RASAL2: variants seen among roughly 807,000 people sequenced by gnomAD.
RASAL2 encodes ras GTPase-activating protein nGAP.
Under a neutral mutation model 128.9 loss-of-function variants are expected in RASAL2, and 58 were observed. The observed-to-expected ratio is 0.45, with a 90% confidence interval of 0.36 to 0.56. The LOEUF is 0.56. Among genes scored for constraint, RASAL2 ranks in the 20% least tolerant of loss-of-function variants. RASAL2 has a pLI of 0.00. For missense variants in RASAL2, 1,360 were observed against 1,601.6 expected (o/e 0.85, Z 2.57); for synonymous variants, 561 against 580.8 (o/e 0.97, Z 0.49).
intron 3 of RASAL2, among the ~76,000 whole-genome samples, chr1:178,374,835 T>C (rs1395306946): frequency 2.0e-5 from 3 of 152,156 alleles, no homozygotes; most frequent in Admixed American, 2.0e-4. Context: ...ATTCAGCTTT[T>C]TAAAACTCTG....
intron 1 of RASAL2, among the ~76,000 whole-genome samples, chr1:178,148,309 T>C (rs1436452517): frequency 1.3e-5 from 2 of 152,144 alleles, no homozygotes; most frequent in Non-Finnish European, 2.9e-5. Context: ...GCAAGTTTTA[T>C]GTATACACTA....
intron 1 of RASAL2, among the ~76,000 whole-genome samples, chr1:178,180,429 CT>C (rs1662052537): frequency 6.9e-6 from 1 of 145,078 alleles, no homozygotes; most frequent in African/African-American, 2.6e-5. Context: ...GGATGGATCG[CT>C]TGAGTCCAGG....
chr1:178,260,366 ATATATATATATAT>A lies in RASAL2; in HGVS notation c.203-23197_203-23185del. ...GACTCGTCTCAAAAAAAAAAAAAATATATATATATATATATATATATATATATATATATATATA... is the reference window on the plus strand; with the variant it reads ...GACTCGTCTCAAAAAAAAAAAAAATAATATATATATATATATATATATATA... On this transcript the variant is annotated intron_variant, in intron 1 of 17. Coordinates refer to ENST00000367649, the MANE Select transcript of RASAL2 (RefSeq NM_170692.4). 1.7e-3 allele frequency among the ~76,000 whole-genome samples: 32 copies of A among 19,302 alleles called. 5 individuals are homozygous for A. Among genetic ancestry groups the A allele is most frequent in the South Asian group, 3.0e-3 (1 of 336 alleles). The allele number at this position is 19,302 out of a possible 152,430, so 12.7% of individuals were successfully genotyped here. A position where few individuals can be genotyped will look rare whatever the true frequency, so the allele number is the denominator to read the frequency against.
At chr1:178,131,620 C>CAA (rs1458091002) in intron 1 of RASAL2, among the ~76,000 whole-genome samples, 1 of 152,048 alleles carries the variant, frequency 6.6e-6, no homozygotes, top group East Asian at 1.9e-4. Context: ...GTGGTTTTTC[C>CAA]AAAAACCTGA....
At chr1:178,241,783 A>G (rs529071199) in intron 1 of RASAL2, among the ~76,000 whole-genome samples, 1 of 152,350 alleles carries the variant, frequency 6.6e-6, no homozygotes, top group South Asian at 2.1e-4. Context: ...AGGAAATAAT[A>G]GTACAGATTA....
At chr1:178,220,888 T>G (rs1663590379) in intron 1 of RASAL2, among the ~76,000 whole-genome samples, 1 of 152,212 alleles carries the variant, frequency 6.6e-6, no homozygotes, top group Non-Finnish European at 1.5e-5. Flanking sequence ...AACATTCATG[T>G]GGAGGTTTTT....
intron 1 of RASAL2, among the ~76,000 whole-genome samples, chr1:178,193,038 G>A (rs1455548406): frequency 6.6e-6 from 1 of 152,082 alleles, no homozygotes; most frequent in Non-Finnish European, 1.5e-5. Context: ...AAGGCTCTTA[G>A]TAGGGTCAAA....
At chr1:178,143,142 GATGTA>G (rs913339310) in intron 1 of RASAL2, among the ~76,000 whole-genome samples, 1 of 151,758 alleles carries the variant, frequency 6.6e-6, no homozygotes, top group African/African-American at 2.4e-5. Flanking sequence ...TAATATCATA[GATGTA>G]ATGTATGTTT....
intron 1 of RASAL2, among the ~76,000 whole-genome samples, chr1:178,226,883 T>G (rs1467523513): frequency 6.6e-6 from 1 of 152,154 alleles, no homozygotes; most frequent in Non-Finnish European, 1.5e-5. Flanking sequence ...GAGGTTGCAG[T>G]GAGCCAAGAT....
intron 1 of RASAL2, among the ~76,000 whole-genome samples, chr1:178,118,162 TA>T (rs1224244846): frequency 2.9e-3 from 408 of 140,426 alleles, no homozygotes; most frequent in Middle Eastern, 7.3e-3. Context: ...AGACTCTGTT[TA>T]AAAAAAAAAA....
intron 1 of RASAL2, among the ~76,000 whole-genome samples, chr1:178,163,747 T>A (rs1425943530): frequency 6.6e-6 from 1 of 152,200 alleles, no homozygotes; most frequent in Non-Finnish European, 1.5e-5. Flanking sequence ...TGTTTCTAGG[T>A]TGTTTTAGCT....
intron 1 of RASAL2, among the ~76,000 whole-genome samples, chr1:178,186,187 C>T (rs1026565209): frequency 1.6e-4 from 24 of 150,248 alleles, no homozygotes; most frequent in Admixed American, 1.3e-3. Flanking sequence ...ATTTATTGTC[C>T]GCATAACGTC....
In RASAL2 at chr1:178,283,592, G is replaced by A. The variant is rs1258686320; in HGVS notation, c.231G>A (p.Leu77=). ...YDVKGPPTHR[L]SCGQSPYTET... ...TGAAAGGACCACCCACCCACCGTCT[G>A]TCTTGTGGTCAGTCACCCTACACCG... Residue 77 remains leucine, a synonymous_variant, in exon 2 of 18, where the codon CTG becomes CTA. Coordinates refer to ENST00000367649, the MANE Select transcript of RASAL2 (RefSeq NM_170692.4). The A allele has an allele frequency of 6.2e-7, 1 of 1,613,678 alleles. No homozygotes were observed. The highest frequency in any genetic ancestry group is 2.2e-5 in the East Asian group (1 of 44,850).
chr1:178,397,446 A>G (rs1157980810), intron 4 of RASAL2, among the ~76,000 whole-genome samples: 1 of 152,138 alleles, frequency 6.6e-6, no homozygotes, highest in Non-Finnish European at 1.5e-5. Context: ...ACCAAAAAAG[A>G]GATTAGTGTT....
At chr1:178,452,253 G>A (rs956781482) in intron 10 of RASAL2, among the ~76,000 whole-genome samples, 163 bp from the exon 11 acceptor site, 5 of 151,968 alleles carry the variant, frequency 3.3e-5, no homozygotes, top group East Asian at 1.9e-4. Context: ...ATTTTCCACC[G>A]CCTCTCAGCC....
chr1:178,443,014 A>G lies in RASAL2; in HGVS notation c.1267A>G (p.Asn423Asp), dbSNP rs1557993594. 1.9e-6 allele frequency: 3 copies of G among 1,613,938 alleles called. No homozygotes were observed. Among genetic ancestry groups the G allele is most frequent in the African/African-American group, 2.7e-5 (2 of 74,928 alleles). Residue 423 changes from asparagine (N) to aspartate (D), a missense_variant, in exon 8 of 18, where the codon AAC (asparagine) becomes GAC (aspartate). By Grantham distance (23) the Asn-to-Asp change is conservative. Around this residue, in one of 3 missense-constraint regions of RASAL2, gnomAD observed 617 missense variants for 714.2 expected, o/e 0.86. Coordinates refer to ENST00000367649, the MANE Select transcript of RASAL2 (RefSeq NM_170692.4). The part of the protein sequence containing the change: ...KWYPVSTPTP[N>D]KGKTGGPSIR... ...GTATCCAGTGAGTACACCTACACCC[A>G]ACAAAGGAAAGACAGGAGGACCTTC...
At chr1:178,314,902 T>A (rs1222983117) in intron 3 of RASAL2, among the ~76,000 whole-genome samples, 1 of 147,984 alleles carries the variant, frequency 6.8e-6, no homozygotes, top group East Asian at 2.0e-4. Context: ...ACTCGTCATC[T>A]AGCATTAGGT....
At chr1:178,379,958 C>G (rs553179018) in intron 3 of RASAL2, among the ~76,000 whole-genome samples, 2 of 152,328 alleles carry the variant, frequency 1.3e-5, no homozygotes, top group African/African-American at 2.4e-5. Flanking sequence ...CAAGCCCTGC[C>G]TCTTCCACCT....
At chr1:178,174,611 G>C (rs1392837952) in intron 1 of RASAL2, among the ~76,000 whole-genome samples, 2 of 152,106 alleles carry the variant, frequency 1.3e-5, no homozygotes, top group East Asian at 3.9e-4. Context: ...ACTGTTTCTA[G>C]ACCAAATTCT....
Sources: gnomAD v4.1 joint callset for allele counts (sites outside exome capture counted in the v4.1 genomes callset) on GRCh38, gnomAD v4.1.1 for gene constraint, gnomAD v4.1.1 regional missense constraint, MANE v1.5 for transcripts, NCBI Gene and HGNC (gene_info 2026-07-23, HGNC 2026-07-21) for gene names.